FTO: variants seen among roughly 807,000 people sequenced by gnomAD.
The protein encoded by FTO is alpha-ketoglutarate-dependent dioxygenase FTO.
Under a neutral mutation model 63.9 loss-of-function variants are expected in FTO, and 47 were observed. The observed-to-expected ratio is 0.74, with a 90% CI of 0.58 to 0.94. The LOEUF (loss-of-function observed/expected upper bound fraction) is 0.94. Ranked by LOEUF, FTO falls within the 40% of genes least tolerant of loss-of-function variation. FTO has a pLI of 0.00. For missense variants in FTO, 562 were observed against 618.1 expected, an observed-to-expected ratio of 0.91 and a Z score of 0.96; for synonymous variants, 207 against 224.4, an observed-to-expected ratio of 0.92 and a Z score of 0.69.
chr16:54,056,849 C>A (rs536837324), intron 8 of FTO, among the ~76,000 whole-genome samples: 6 of 152,334 alleles, frequency 3.9e-5, no homozygotes, highest in African/African-American at 1.4e-4. Flanking sequence ...TTAACCTGTT[C>A]ATTTTTGGAG....
intron 4 of FTO, among the ~76,000 whole-genome samples, chr16:53,851,285 T>TAA (rs571720201): frequency 9.7e-5 from 10 of 103,294 alleles, no homozygotes; most frequent in Non-Finnish European, 1.5e-4. Flanking sequence ...CCACCTCTAC[T>TAA]AAAAAAAAAA....
chr16:53,792,564 T>TA lies in FTO; in HGVS notation c.46-17569dup, dbSNP rs989667879. ...TAATGGCTAAAGCTTTGTAAAATTA[T>TA]AAAAAAAGCCAGAAATCCTGCTGAT... On this transcript the variant is annotated intron_variant, in intron 1 of 8. Transcript: ENST00000471389. Among the ~76,000 whole-genome samples, 39 of 152,230 alleles carry TA rather than the reference T, an allele frequency of 2.6e-4. No individual in the cohort carries two copies. The Middle Eastern group carries it at 0.02, about 80-fold the overall frequency.
chr16:53,948,829 C>A (rs2082707007), intron 8 of FTO, among the ~76,000 whole-genome samples: 1 of 152,214 alleles, frequency 6.6e-6, no homozygotes, highest in Admixed American at 6.5e-5. Flanking sequence ...CCTTCTCCAT[C>A]TTCTCACACT....
chr16:53,847,078 GACAA>G (rs1487666524), intron 4 of FTO, among the ~76,000 whole-genome samples: 4 of 152,266 alleles, frequency 2.6e-5, no homozygotes, highest in African/African-American at 9.6e-5. Context: ...GGGAATTAAT[GACAA>G]ACATTCTTTT....
intron 1 of FTO, among the ~76,000 whole-genome samples, chr16:53,750,094 C>A (rs2076749306): frequency 6.6e-6 from 1 of 152,124 alleles, no homozygotes; most frequent in Admixed American, 6.6e-5. Flanking sequence ...TTGAGGCTAT[C>A]ATAACTGATA....
intron 8 of FTO, among the ~76,000 whole-genome samples, chr16:54,088,622 A>G (rs1169780322): frequency 6.6e-6 from 1 of 152,242 alleles, no homozygotes. Context: ...AAATAAACAG[A>G]TATTCCAAAT....
chr16:53,936,966 C>T (rs1424304072), intron 8 of FTO, among the ~76,000 whole-genome samples: 1 of 152,168 alleles, frequency 6.6e-6, no homozygotes, highest in African/African-American at 2.4e-5. Context: ...AAACTTGTAA[C>T]CTGGTTGTAA....
chr16:53,939,518 G>A (rs551606125), intron 8 of FTO, among the ~76,000 whole-genome samples: 105 of 152,248 alleles, frequency 6.9e-4, no homozygotes, highest in Middle Eastern at 3.4e-3. Flanking sequence ...TGATTTTTTA[G>A]TATATGCACG....
In FTO at chr16:53,921,389, C is replaced by T. The variant is rs74019302; in HGVS notation, c.1240-12596C>T. 3.7e-3 allele frequency among the ~76,000 whole-genome samples: 566 copies of T among 152,312 alleles called. 5 individuals are homozygous for T. Among genetic ancestry groups the T allele is most frequent in the African/African-American group, 0.013 (542 of 41,550 alleles). ...GGTAACTTTTCACTTGTCCAAGGAT[C>T]GGAAAGTGCTAAGCCACTTTTAGGC... On this transcript the variant is annotated intron_variant, in intron 7 of 8. Transcript: ENST00000471389.
chr16:54,008,849 AT>A (rs2084272685), intron 8 of FTO, among the ~76,000 whole-genome samples: 2 of 75,316 alleles, frequency 2.7e-5, no homozygotes, highest in Admixed American at 2.7e-4. Flanking sequence ...AATAATAATA[AT>A]AATAATAATA....
At chr16:53,858,097 A>G (rs1362981684) in intron 4 of FTO, among the ~76,000 whole-genome samples, 1 of 152,150 alleles carries the variant, frequency 6.6e-6, no homozygotes, top group Non-Finnish European at 1.5e-5. Context: ...AAGGAATTAG[A>G]CCAAATAATT....
At chr16:53,741,256 A>G (rs1196332260) in intron 1 of FTO, among the ~76,000 whole-genome samples, 1 of 152,198 alleles carries the variant, frequency 6.6e-6, no homozygotes, top group African/African-American at 2.4e-5. Flanking sequence ...TAGAAAAAAA[A>G]TCTGCTGACC....
chr16:54,096,384 T>A (rs2086516936), intron 8 of FTO, among the ~76,000 whole-genome samples: 1 of 152,242 alleles, frequency 6.6e-6, no homozygotes, highest in South Asian at 2.1e-4. Context: ...ATCCTGATGC[T>A]GCAGTGGCCT....
chr16:53,971,867 T>C (rs1042023472), intron 8 of FTO, among the ~76,000 whole-genome samples: 1 of 152,340 alleles, frequency 6.6e-6, no homozygotes, highest in East Asian at 1.9e-4. Context: ...ATCCGCGCTG[T>C]TCTATGAAAT....
intron 7 of FTO, among the ~76,000 whole-genome samples, chr16:53,918,503 A>G (rs2081936004): frequency 6.6e-6 from 1 of 152,244 alleles, no homozygotes; most frequent in Admixed American, 6.5e-5. Context: ...TCATTATATG[A>G]CACACAACTC....
chr16:54,018,384 T>TAGATAGATAGATA (rs1555502652), intron 8 of FTO, among the ~76,000 whole-genome samples: 11 of 93,440 alleles, frequency 1.2e-4, no homozygotes, highest in African/African-American at 6.6e-4. Flanking sequence ...GATAGATAGA[T>TAGATAGATAGATA]GATAGATAGA....
chr16:54,119,223 T>A lies in FTO; in HGVS notation c.*7308T>A, dbSNP rs1206703038. The A allele has an allele frequency of 6.6e-6, 1 of 152,218 alleles. No individual in the cohort carries two copies. Among genetic ancestry groups the A allele is most frequent in the Non-Finnish European group, 1.5e-5 (1 of 68,040 alleles). The allele number at this position is 152,218 out of a possible 1,614,324, so 9.4% of individuals were successfully genotyped here. On this transcript the variant is annotated 3_prime_UTR_variant, in exon 9 of 9. Transcript: ENST00000471389. ...CTCCAGACACACGGATGGAGGAGCATGATTTCATTTGTTTCTTTGCAAAAC... is the reference window on the plus strand; with the variant it reads ...CTCCAGACACACGGATGGAGGAGCAAGATTTCATTTGTTTCTTTGCAAAAC...
At chr16:54,009,666 C>T (rs2084293080) in intron 8 of FTO, among the ~76,000 whole-genome samples, 1 of 152,176 alleles carries the variant, frequency 6.6e-6, no homozygotes, top group Admixed American at 6.5e-5. Flanking sequence ...AGGCTTCCCA[C>T]CAAGTCTTGT....
chr16:53,787,385 T>C (rs7206410), intron 1 of FTO, among the ~76,000 whole-genome samples: 61,449 of 150,766 alleles, frequency 0.41, 12,972 homozygotes, highest in African/African-American at 0.48. Context: ...TCGGTAGTCA[T>C]AACACCACCC....
Sources: allele counts gnomAD v4.1 joint callset (sites outside exome capture counted in the v4.1 genomes callset), GRCh38; gene constraint gnomAD v4.1.1; transcripts MANE v1.5; gene names NCBI Gene and HGNC (gene_info 2026-07-23, HGNC 2026-07-21).